Variants in NALF1 observed in about 807,000 individuals in gnomAD.
NALF1 encodes the protein NALCN channel auxiliary factor 1.
A neutral mutation model predicts 48.4 loss-of-function variants in NALF1; 3 were observed. That is an observed-to-expected ratio of 0.06 (90% CI 0.03 to 0.16). NALF1 has a LOEUF of 0.16. Ranked by LOEUF, NALF1 falls within the 10% of genes least tolerant of loss-of-function variation. The probability of loss-of-function intolerance (pLI) is 1.00; values close to 1 mark genes in which losing one functional copy is unlikely to be tolerated. For synonymous variants in NALF1, 262 were observed against 245.7 expected (o/e 1.07, Z -0.62); for missense variants, 526 against 571.5 (o/e 0.92, Z 0.81).
chr13:107,214,204 T>C (rs1372604744), intron 1 of NALF1, among the ~76,000 whole-genome samples: 1 of 152,114 alleles, frequency 6.6e-6, no homozygotes, highest in Non-Finnish European at 1.5e-5. Flanking sequence ...TCTAGAAGTT[T>C]TTGCAGGAAG....
intron 1 of NALF1, among the ~76,000 whole-genome samples, chr13:107,457,246 T>C (rs8001792): frequency 0.22 from 32,784 of 152,124 alleles, 4,020 homozygotes; most frequent in African/African-American, 0.33. Context: ...CAGGAGACAA[T>C]GACACATTAA....
intron 1 of NALF1, among the ~76,000 whole-genome samples, chr13:107,803,979 A>G (rs944441594): frequency 3.9e-5 from 6 of 152,068 alleles, no homozygotes; most frequent in Non-Finnish European, 8.8e-5. Context: ...ATGTAGTTCC[A>G]TTGACTTCTC....
chr13:107,700,831 A>C (rs1056237630), intron 1 of NALF1, among the ~76,000 whole-genome samples: 2 of 152,164 alleles, frequency 1.3e-5, no homozygotes, highest in Non-Finnish European at 2.9e-5. Context: ...TGGGCAAAGG[A>C]CCTGAACAGA....
chr13:107,401,505 A>C (rs1883806925), intron 1 of NALF1, among the ~76,000 whole-genome samples: 1 of 152,204 alleles, frequency 6.6e-6, no homozygotes, highest in Admixed American at 6.5e-5. Flanking sequence ...AATCTGAAAT[A>C]TCTTTATCAC....
intron 1 of NALF1, among the ~76,000 whole-genome samples, chr13:107,400,418 C>A (rs1294227906): frequency 6.6e-6 from 1 of 152,008 alleles, no homozygotes; most frequent in Non-Finnish European, 1.5e-5. Flanking sequence ...ACCTGAGCAT[C>A]AGAAGCATGT....
intron 1 of NALF1, among the ~76,000 whole-genome samples, chr13:107,558,641 T>C (rs1375001267): frequency 6.6e-6 from 1 of 152,150 alleles, no homozygotes; most frequent in East Asian, 1.9e-4. Flanking sequence ...CATCCGGTGG[T>C]AGTAAATTTT....
At chr13:107,513,473 T>C (rs1594103632) in intron 1 of NALF1, among the ~76,000 whole-genome samples, 2 of 152,158 alleles carry the variant, frequency 1.3e-5, no homozygotes, top group Non-Finnish European at 1.5e-5. Flanking sequence ...AAACTAGCCA[T>C]TGTTTAAGAC....
At chr13:107,528,246 G>C (rs549062971) in intron 1 of NALF1, among the ~76,000 whole-genome samples, 13 of 151,946 alleles carry the variant, frequency 8.6e-5, no homozygotes, top group African/African-American at 2.9e-4. Flanking sequence ...TTCCACAATG[G>C]GGCCAATATG....
chr13:107,416,798 T>C (rs971148234), intron 1 of NALF1, among the ~76,000 whole-genome samples: 1 of 152,230 alleles, frequency 6.6e-6, no homozygotes, highest in Non-Finnish European at 1.5e-5. Context: ...TATGTGTTCT[T>C]TAAAACAGTA....
At chr13:107,714,338 T>G (rs1015751614) in intron 1 of NALF1, among the ~76,000 whole-genome samples, 2 of 152,088 alleles carry the variant, frequency 1.3e-5, no homozygotes, top group Admixed American at 1.3e-4. Flanking sequence ...GACTTGACAC[T>G]ATGAAATCCC....
chr13:107,591,699 A>G (rs1200573725), intron 1 of NALF1, among the ~76,000 whole-genome samples: 1 of 152,032 alleles, frequency 6.6e-6, no homozygotes, highest in Admixed American at 6.6e-5. Context: ...TGAAAGAAAC[A>G]AAGTATGAAA....
rs1474600288 is a variant in NALF1 at position 107,709,061 on chromosome 13, A to G, written c.915+156621T>C. ...AACAACAGCAATGGTATTCTAAAGT[A>G]AAAAATAAAGAAAAATTCAAAAAGT... On this transcript the variant is annotated intron_variant, in intron 1 of 2. Coordinates refer to ENST00000375915, the MANE Select transcript of NALF1 (RefSeq NM_001080396.3). 2.6e-5 allele frequency among the ~76,000 whole-genome samples: 4 copies of G among 152,376 alleles called. No individual in the cohort carries two copies. The East Asian group carries it at 7.7e-4, about 29-fold the overall frequency.
chr13:107,307,102 A>G (rs1196340281), intron 1 of NALF1, among the ~76,000 whole-genome samples: 1 of 152,264 alleles, frequency 6.6e-6, no homozygotes, highest in African/African-American at 2.4e-5. Context: ...TCTAAGGCAG[A>G]TGTGCCCATT....
intron 1 of NALF1, among the ~76,000 whole-genome samples, chr13:107,516,226 T>C (rs1367904736): frequency 6.6e-6 from 1 of 152,116 alleles, no homozygotes; most frequent in Non-Finnish European, 1.5e-5. Flanking sequence ...AAGATGACAA[T>C]GAGCGGAGTC....
At chr13:107,304,027 C>A (rs1177256347) in intron 1 of NALF1, among the ~76,000 whole-genome samples, 1 of 152,104 alleles carries the variant, frequency 6.6e-6, no homozygotes, top group Non-Finnish European at 1.5e-5. Flanking sequence ...TTCTTCTGAT[C>A]ATATCATTTG....
intron 1 of NALF1, among the ~76,000 whole-genome samples, chr13:107,360,099 A>C (rs1883035192): frequency 6.6e-6 from 1 of 152,172 alleles, no homozygotes; most frequent in African/African-American, 2.4e-5. Context: ...CAATAGAAAT[A>C]ATTGCTTTGA....
intron 1 of NALF1, among the ~76,000 whole-genome samples, chr13:107,478,946 C>G (rs1440115144): frequency 6.6e-6 from 1 of 152,078 alleles, no homozygotes; most frequent in South Asian, 2.1e-4. Context: ...TCTGACTTTC[C>G]ATGAAAGTAA....
chr13:107,605,240 G>C (rs1879031538), intron 1 of NALF1, among the ~76,000 whole-genome samples: 1 of 152,118 alleles, frequency 6.6e-6, no homozygotes, highest in Admixed American at 6.5e-5. Context: ...TTTTCCTTAA[G>C]TCAGAATTCT....
chr13:107,568,229 C>A (rs1432901602), intron 1 of NALF1, among the ~76,000 whole-genome samples: 1 of 152,230 alleles, frequency 6.6e-6, no homozygotes, highest in Non-Finnish European at 1.5e-5. Flanking sequence ...AATCCTCCCA[C>A]CTTGGCCTCC....
Sources: allele counts gnomAD v4.1 joint callset (sites outside exome capture counted in the v4.1 genomes callset), GRCh38; gene constraint gnomAD v4.1.1; transcripts MANE v1.5; gene names NCBI Gene and HGNC (gene_info 2026-07-23, HGNC 2026-07-21).